The following NELFA variants were observed in gnomAD, a reference collection of about 807,000 sequenced individuals.
The protein encoded by NELFA is negative elongation factor A.
In NELFA, 35 loss-of-function variants were observed where a neutral mutation model predicts 51.8. That is an observed-to-expected ratio of 0.68 (90% CI 0.52 to 0.90). The LOEUF (loss-of-function observed/expected upper bound fraction) is 0.90. Among genes scored for constraint, NELFA ranks in the 40% least tolerant of loss-of-function variants. NELFA has a pLI of 0.00. For missense variants in NELFA, 658 were observed against 746.4 expected, an observed-to-expected ratio of 0.88 and a Z score of 1.38; for synonymous variants, 417 against 338.4, an observed-to-expected ratio of 1.23 and a Z score of -2.55.
At chr4:1,986,579 T>A in intron 4 of NELFA, 177 bp from the exon 5 acceptor site, 1 of 949,094 alleles carries the variant, frequency 1.1e-6, no homozygotes, top group Non-Finnish European at 1.5e-6. Flanking sequence ...GGGGAACGCC[T>A]GGAGCCACGA....
chr4:2,002,938 G>A (rs1481118121), intron 1 of NELFA, among the ~76,000 whole-genome samples: 1 of 152,184 alleles, frequency 6.6e-6, no homozygotes, highest in Non-Finnish European at 1.5e-5. Context: ...TCATCAGAGT[G>A]AAGAGGCAAC....
In NELFA at chr4:1,989,336, C is replaced by A. The variant is rs991154331; in HGVS notation, c.544+372G>T. ...CAAAAAACTTTATGCAGAACTTTAT[C>A]TTCTTTTTCTTGAGACAGGGTCTCA... On this transcript the variant is annotated intron_variant, in intron 3 of 10. Coordinates refer to ENST00000382882, the MANE Select transcript of NELFA (RefSeq NM_005663.5). This position sits in a 1 kb window ranked among gnomAD's most constrained non-coding sequence, Gnocchi z 4.8. 2.6e-5 allele frequency among the ~76,000 whole-genome samples: 4 copies of A among 151,944 alleles called. No homozygotes were observed. The highest frequency in any genetic ancestry group is 9.7e-5 in the African/African-American group (4 of 41,360).
At chr4:1,994,711 C>T (rs1430046849) in intron 1 of NELFA, among the ~76,000 whole-genome samples, 2 of 151,730 alleles carry the variant, frequency 1.3e-5, no homozygotes, top group East Asian at 1.9e-4. Context: ...AAAAATTAGG[C>T]GGGCGTGGTG....
At chr4:1,998,871 G>A (rs987308639) in intron 1 of NELFA, among the ~76,000 whole-genome samples, 1 of 152,084 alleles carries the variant, frequency 6.6e-6, no homozygotes, top group Non-Finnish European at 1.5e-5. Flanking sequence ...CGAAATGAAG[G>A]AAAAACTGTT....
intron 1 of NELFA, among the ~76,000 whole-genome samples, chr4:1,996,815 C>A (rs767139872): frequency 2.0e-5 from 3 of 152,108 alleles, no homozygotes; most frequent in Non-Finnish European, 4.4e-5. Context: ...GCCTGTGATC[C>A]CAGCTACTCA....
At chr4:1,987,500 C>T (rs952169720) in intron 4 of NELFA, 6 of 171,310 alleles carry the variant, frequency 3.5e-5, no homozygotes, top group South Asian at 1.8e-4. Context: ...CCCGCGGAGC[C>T]GCCCAGGGAC....
chr4:2,001,377 T>C (rs1310209720), intron 1 of NELFA, among the ~76,000 whole-genome samples: 3 of 152,200 alleles, frequency 2.0e-5, no homozygotes, highest in Non-Finnish European at 4.4e-5. Flanking sequence ...GCAGATGACA[T>C]GATTTTATAT....
intron 1 of NELFA, among the ~76,000 whole-genome samples, chr4:2,004,918 G>A (rs1728670561): frequency 2.7e-5 from 4 of 149,096 alleles, no homozygotes; most frequent in Admixed American, 2.0e-4. Flanking sequence ...GCATTCTTCT[G>A]CTTCAGCCTC....
At chr4:2,004,192 G>A (rs1728648498) in intron 1 of NELFA, 1 of 151,966 alleles carries the variant, frequency 6.6e-6, no homozygotes, top group Admixed American at 6.6e-5. Flanking sequence ...GAAGAAAAAA[G>A]AAAACATTAC....
intron 3 of NELFA, among the ~76,000 whole-genome samples, chr4:1,988,493 G>A (rs904254114): frequency 6.6e-6 from 1 of 152,254 alleles, no homozygotes; most frequent in Non-Finnish European, 1.5e-5. Flanking sequence ...GGCCTCCAAA[G>A]GGGGTGGGGC....
In NELFA at chr4:1,989,922, G is replaced by A; in HGVS notation, c.383-53C>T. On this transcript the variant is annotated intron_variant, in intron 2 of 10. Coordinates refer to ENST00000382882, the MANE Select transcript of NELFA (RefSeq NM_005663.5). The surrounding 1 kb of genome is among the most constrained non-coding windows in gnomAD (Gnocchi z 4.8). The stretch of plus-strand genomic sequence containing the variant: ...GGGCGCCCAGGCCGCAGACCTCCCG[G>A]CTGAGAGGAGCTGGCGGCTGCCCAG... The A allele has an allele frequency of 1.9e-6, 3 of 1,576,524 alleles. No individual in the cohort carries two copies. Among genetic ancestry groups the A allele is most frequent in the Non-Finnish European group, 1.7e-6 (2 of 1,161,138 alleles).
rs190456178 is a variant in NELFA, at chr4:2,004,895, T to A, written c.210+3855A>T. Reference sequence around the variant, plus strand: ...ATCTCAGCTCACTGCAAGCTCTGCCTCCTGGGTTCACGGCATTCTTCTGCT... The same window carrying A: ...ATCTCAGCTCACTGCAAGCTCTGCCACCTGGGTTCACGGCATTCTTCTGCT... On this transcript the variant is annotated intron_variant, in intron 1 of 10. Transcript: ENST00000382882. Among the ~76,000 whole-genome samples the A allele has an allele frequency of 6.9e-3, 1,031 of 150,152 alleles. 13 individuals carry two copies. Among genetic ancestry groups the A allele is most frequent in the African/African-American group, 0.024 (976 of 40,652 alleles).
In NELFA at chr4:2,008,905, C is replaced by T. The variant is rs1346365756; in HGVS notation, c.55G>A (p.Ala19Thr). ...TGLWLHNKLGATDELWAPPSI... is the reference protein window; with the variant it reads ...TGLWLHNKLGTTDELWAPPSI... ...GGCGGCGCCCACAGCTCGTCCGTGG[C>T]CCCCAGCTTGTTGTGCAGCCACAGG... Residue 19 changes from alanine (A) to threonine (T), a missense_variant, in exon 1 of 11, where the codon GCC becomes ACC. By Grantham distance (58) the Ala-to-Thr change is moderately conservative (BLOSUM62 0). Transcript: ENST00000382882. 6.3e-7 allele frequency: 1 copy of T among 1,582,802 alleles called. No individual in the cohort carries two copies.
chr4:1,995,715 C>G (rs1406477578), intron 1 of NELFA, among the ~76,000 whole-genome samples: 1 of 152,034 alleles, frequency 6.6e-6, no homozygotes, highest in African/African-American at 2.4e-5. Flanking sequence ...CAGAGAATCT[C>G]TATGTAAAGA....
In NELFA at chr4:1,984,859, GCGTGGAGGGAAGGTAGCT is replaced by G; in HGVS notation, c.967_984del (p.Ser323_Thr328del). Reference sequence around the variant, plus strand: ...TAGGAGGAGGCGGGAACCACGCTGGGCGTGGAGGGAAGGTAGCTCGTGGAGGGCAGCGCAGGCTCATTG... The same window carrying G: ...TAGGAGGAGGCGGGAACCACGCTGGGCGTGGAGGGCAGCGCAGGCTCATTG... On this transcript the variant is annotated inframe_deletion, in exon 8 of 11. Coordinates refer to ENST00000382882, the MANE Select transcript of NELFA (RefSeq NM_005663.5). The G allele has an allele frequency of 4.4e-6, 7 of 1,580,100 alleles. No individual in the cohort carries two copies. Among genetic ancestry groups the G allele is most frequent in the Non-Finnish European group, 6.0e-6 (7 of 1,162,302 alleles).
chr4:1,983,930 G>C lies in NELFA; in HGVS notation c.1220C>G (p.Thr407Ser), dbSNP rs200646290. ...CACCATGGCAACCGGGGGTGTCTGA[G>C]TGGTAGGGGCGACAGCCGGAGGTGT... Reference protein sequence around the residue: ...PTTPPAVAPTTQTPPVAMVAP... With the variant: ...PTTPPAVAPTSQTPPVAMVAP... Residue 407 changes from threonine to serine, a missense_variant, in exon 9 of 11, where the codon ACT becomes AGT. Transcript: ENST00000382882. 1.9e-6 allele frequency: 3 copies of C among 1,610,308 alleles called. No homozygotes were observed. Among genetic ancestry groups the C allele is most frequent in the Non-Finnish European group, 2.5e-6 (3 of 1,178,502 alleles).
At position 1,986,008 on chromosome 4, in the gene NELFA, C is replaced by T. The variant is rs1214470449; in HGVS notation, c.835+106G>A. On this transcript the variant is annotated intron_variant, in intron 6 of 10. Transcript: ENST00000382882. ...CAGGCACCCACCCACGGAGAGCAGC[C>T]TCACGGGGCACAGCCCTGCCCGCCG... The T allele has an allele frequency of 9.3e-6, 13 of 1,402,490 alleles. No individual in the cohort carries two copies. In the Middle Eastern group the frequency reaches 9.1e-4, roughly 99 times the overall value. The allele number at this position is 1,402,490 out of a possible 1,614,324, so 86.9% of individuals were successfully genotyped here.
intron 1 of NELFA, among the ~76,000 whole-genome samples, chr4:2,008,519 G>C: frequency 6.7e-6 from 1 of 148,754 alleles, no homozygotes; most frequent in Non-Finnish European, 1.5e-5. Flanking sequence ...TGAGAACCGA[G>C]GTGGGAGATG....
At chr4:1,996,748 G>A (rs1048185225) in intron 1 of NELFA, among the ~76,000 whole-genome samples, 8 of 152,204 alleles carry the variant, frequency 5.3e-5, no homozygotes, top group East Asian at 1.9e-4. Context: ...ACTGGCCAAC[G>A]TGGCAAAAAC....
Sources: gnomAD v4.1 joint callset for allele counts (sites outside exome capture counted in the v4.1 genomes callset) on GRCh38, gnomAD v4.1.1 for gene constraint, Gnocchi (gnomAD v3.1) non-coding constraint, MANE v1.5 for transcripts, NCBI Gene and HGNC (gene_info 2026-07-23, HGNC 2026-07-21) for gene names.